FBXL13: variants seen among roughly 807,000 people sequenced by gnomAD.
FBXL13 encodes F-box and leucine rich repeat protein 13.
In FBXL13, 67 loss-of-function variants were observed where a neutral mutation model predicts 83.6. The observed-to-expected ratio is 0.80, with a 90% CI of 0.66 to 0.98. The LOEUF (loss-of-function observed/expected upper bound fraction) is 0.98, where lower values mean the gene tolerates loss of function less well. Among genes scored for constraint, FBXL13 ranks in the 50% least tolerant of loss-of-function variants. The probability of loss-of-function intolerance (pLI) is 0.00; values close to 1 mark genes in which losing one functional copy is unlikely to be tolerated. For missense variants in FBXL13, 822 were observed against 866.5 expected, an observed-to-expected ratio of 0.95 and a Z score of 0.64; for synonymous variants, 272 against 299.5, an observed-to-expected ratio of 0.91 and a Z score of 0.95.
chr7:103,022,684 G>T (rs1050428152), intron 6 of FBXL13, among the ~76,000 whole-genome samples: 2 of 152,070 alleles, frequency 1.3e-5, no homozygotes, highest in African/African-American at 4.8e-5. Context: ...CAATATAGAT[G>T]CAAGACTTAA....
At chr7:102,828,314 G>A (rs1385420545) in intron 18 of FBXL13, among the ~76,000 whole-genome samples, 1 of 152,114 alleles carries the variant, frequency 6.6e-6, no homozygotes, top group Non-Finnish European at 1.5e-5. Context: ...TTGTAAGTTG[G>A]ATTCCTAGGT....
At chr7:103,008,015 T>C (rs1791168202) in intron 6 of FBXL13, among the ~76,000 whole-genome samples, 3 of 152,112 alleles carry the variant, frequency 2.0e-5, no homozygotes, top group South Asian at 2.1e-4. Flanking sequence ...TTGTAGGGTA[T>C]TGGAGCCCAA....
At chr7:102,891,298 C>T (rs988268548) in intron 11 of FBXL13, among the ~76,000 whole-genome samples, 15 of 152,178 alleles carry the variant, frequency 9.9e-5, no homozygotes, top group East Asian at 3.9e-4. Flanking sequence ...CCATTCACTA[C>T]GCACTTCTTG....
At chr7:103,066,090 A>G (rs1037405733) in intron 1 of FBXL13, among the ~76,000 whole-genome samples, 4 of 152,232 alleles carry the variant, frequency 2.6e-5, no homozygotes, top group African/African-American at 9.6e-5. Context: ...TCATGACACC[A>G]GTCCAGCTTC....
chr7:102,906,000 T>C (rs2129467419), intron 11 of FBXL13, among the ~76,000 whole-genome samples: 1 of 152,208 alleles, frequency 6.6e-6, no homozygotes, highest in East Asian at 1.9e-4. Context: ...CAGTTCCACA[T>C]GGCTGGGGAG....
intron 16 of FBXL13, among the ~76,000 whole-genome samples, chr7:102,868,901 C>T (rs1411444245): frequency 6.6e-6 from 1 of 152,232 alleles, no homozygotes; most frequent in Non-Finnish European, 1.5e-5. Flanking sequence ...CTCCTGGCCT[C>T]AAGTGATCCG....
At chr7:103,028,505 G>T in intron 4 of FBXL13, 95 bp downstream of exon 5, 1 of 795,386 alleles carries the variant, frequency 1.3e-6, no homozygotes, top group Non-Finnish European at 1.8e-6. Context: ...AAAAATGATA[G>T]GTTCTCTAAG....
chr7:102,942,366 G>T, intron 8 of FBXL13: 1 of 1,531,522 alleles, frequency 6.5e-7, no homozygotes, highest in Non-Finnish European at 8.8e-7. Context: ...TGCAGTGGGA[G>T]TTGCCAGACT....
At chr7:102,888,278 C>T (rs1176388371) in intron 11 of FBXL13, among the ~76,000 whole-genome samples, 2 of 152,244 alleles carry the variant, frequency 1.3e-5, no homozygotes, top group Non-Finnish European at 2.9e-5. Context: ...GTGGCTCACG[C>T]CTGTAATCCC....
chr7:102,883,457 C>A (rs1006504407), exon 14 of FBXL13: 1 of 1,605,774 alleles, frequency 6.2e-7, no homozygotes, highest in African/African-American at 1.3e-5. Flanking sequence ...CATCAGTAAC[C>A]CTTTTATTTC....
chr7:102,937,049 CTGCTTTAAAAA>C (rs943910876), intron 8 of FBXL13, among the ~76,000 whole-genome samples: 21 of 152,134 alleles, frequency 1.4e-4, no homozygotes, highest in Non-Finnish European at 2.4e-4. Context: ...TTCATACCCC[CTGCTTTAAAAA>C]TACACATTAT....
chr7:102,934,032 G>A (rs746055649), intron 8 of FBXL13: 1 of 1,614,082 alleles, frequency 6.2e-7, no homozygotes. Flanking sequence ...GGAGGCCGGA[G>A]AGGCTCCAAC....
intron 19 of FBXL13, among the ~76,000 whole-genome samples, chr7:102,815,267 T>C (rs1315798197): frequency 6.6e-6 from 1 of 152,224 alleles, no homozygotes; most frequent in Non-Finnish European, 1.5e-5. Context: ...TTCTATTACA[T>C]AGCTTCAGGG....
intron 8 of FBXL13, among the ~76,000 whole-genome samples, chr7:102,935,868 GTTTC>G (rs1457845955): frequency 6.6e-6 from 1 of 152,156 alleles, no homozygotes; most frequent in African/African-American, 2.4e-5. Context: ...GCTATGTTTT[GTTTC>G]TTTAAGGGCA....
At chr7:102,929,409 C>T (rs532446224) in intron 9 of FBXL13, among the ~76,000 whole-genome samples, 1 of 152,232 alleles carries the variant, frequency 6.6e-6, no homozygotes, top group Non-Finnish European at 1.5e-5. Context: ...CGCCTGTAAT[C>T]CCAGCACTTT....
chr7:103,026,290 C>G (rs1400199027), intron 5 of FBXL13, among the ~76,000 whole-genome samples: 3 of 151,906 alleles, frequency 2.0e-5, no homozygotes, highest in East Asian at 1.9e-4. Context: ...AGGGGCCCAC[C>G]ACCATGCCTG....
intron 2 of FBXL13, among the ~76,000 whole-genome samples, chr7:103,047,980 G>A (rs1326878029): frequency 6.6e-6 from 1 of 152,212 alleles, no homozygotes; most frequent in Non-Finnish European, 1.5e-5. Context: ...ACAGGCATGA[G>A]CCACTGTGCC....
chr7:102,925,940 CAAAAA>C (rs66682276), intron 10 of FBXL13, among the ~76,000 whole-genome samples: 1 of 101,030 alleles, frequency 9.9e-6, no homozygotes, highest in Non-Finnish European at 2.1e-5. Context: ...GACTCTGTCT[CAAAAA>C]AAAAAAAAAA....
chr7:102,842,333 A>C (rs1205224506), intron 17 of FBXL13, among the ~76,000 whole-genome samples: 1 of 152,226 alleles, frequency 6.6e-6, no homozygotes, highest in Non-Finnish European at 1.5e-5. Context: ...TTAATCTTGG[A>C]AAACAAATAG....
Sources: gnomAD v4.1 joint callset for allele counts (sites outside exome capture counted in the v4.1 genomes callset) on GRCh38, gnomAD v4.1.1 for gene constraint, MANE v1.5 for transcripts, NCBI Gene and HGNC (gene_info 2026-07-23, HGNC 2026-07-21) for gene names.